WDR70: variants seen among roughly 807,000 people sequenced by gnomAD.
WDR70 encodes WD repeat-containing protein 70.
WDR70 carries 53 observed loss-of-function variants against 88.6 expected under a neutral mutation model. The observed-to-expected ratio is 0.60, with a 90% CI of 0.48 to 0.75. The LOEUF (loss-of-function observed/expected upper bound fraction) is 0.75, where lower values mean the gene tolerates loss of function less well. WDR70 is among the 30% of genes least tolerant of loss of function. The pLI is 0.00. For missense variants in WDR70, 610 were observed against 823.2 expected, an observed-to-expected ratio of 0.74 and a Z score of 3.17; for synonymous variants, 280 against 270.0, an observed-to-expected ratio of 1.04 and a Z score of -0.36.
At chr5:37,415,341 C>A (rs62360217) in intron 5 of WDR70, among the ~76,000 whole-genome samples, 51,708 of 129,018 alleles carry the variant, frequency 0.4, 10,347 homozygotes, top group Non-Finnish European at 0.54. Flanking sequence ...GGGCTCCTCA[C>A]TTCCCAGTAG....
At chr5:37,677,617 T>C (rs1460434926) in intron 10 of WDR70, among the ~76,000 whole-genome samples, 1 of 152,232 alleles carries the variant, frequency 6.6e-6, no homozygotes. Context: ...TTATAATTTC[T>C]ATTCTTTTAC....
chr5:37,500,390 A>G (rs1740371276), intron 8 of WDR70, among the ~76,000 whole-genome samples: 1 of 152,230 alleles, frequency 6.6e-6, no homozygotes, highest in Non-Finnish European at 1.5e-5. Flanking sequence ...ACTGTGCTGC[A>G]ATAAACATAA....
intron 10 of WDR70, among the ~76,000 whole-genome samples, chr5:37,619,420 TC>T (rs1181946512): frequency 6.6e-6 from 1 of 152,196 alleles, no homozygotes; most frequent in Non-Finnish European, 1.5e-5. Flanking sequence ...GATGCCTCTC[TC>T]TAGTAGAGAT....
chr5:37,703,968 T>C (rs1365940420), intron 13 of WDR70, among the ~76,000 whole-genome samples: 2 of 152,234 alleles, frequency 1.3e-5, no homozygotes, highest in African/African-American at 4.8e-5. Flanking sequence ...ATTATGCACT[T>C]ACGTGACTCA....
intron 7 of WDR70, among the ~76,000 whole-genome samples, chr5:37,477,760 A>C (rs930977078): frequency 6.6e-6 from 1 of 152,096 alleles, no homozygotes; most frequent in African/African-American, 2.4e-5. Flanking sequence ...TATTCTCCTC[A>C]TCTCCTTGTC....
At chr5:37,500,716 CTTTTTTTTTTTTTTTT>C (rs550821207) in intron 8 of WDR70, among the ~76,000 whole-genome samples, 1 of 63,274 alleles carries the variant, frequency 1.6e-5, no homozygotes, top group Non-Finnish European at 3.1e-5. Context: ...TATTTGTTGG[CTTTTTTTTTTTTTTTT>C]TTTTTTTTTT....
chr5:37,421,233 G>A (rs1360443190), intron 5 of WDR70, among the ~76,000 whole-genome samples: 1 of 152,214 alleles, frequency 6.6e-6, no homozygotes, highest in African/African-American at 2.4e-5. Flanking sequence ...ACTACTGGTT[G>A]TGACCTGTTC....
Position 37,379,319 on chromosome 5 carries a change from C to A in WDR70, c.-49C>A, listed in dbSNP as rs758829953. The A allele has an allele frequency of 4.3e-6, 7 of 1,610,298 alleles. No homozygotes were observed. In the Admixed American group the frequency reaches 1.2e-4, roughly 27 times the overall value. ...CGCAAGTTATTGGCAAGTTCCCCTG[C>A]AGTTGTTTGGGCTGTCCCTGTGGCT... On this transcript the variant is annotated 5_prime_UTR_variant, in exon 1 of 18. Coordinates refer to ENST00000265107, the MANE Select transcript of WDR70 (RefSeq NM_018034.4).
At chr5:37,670,315 C>T (rs534689291) in intron 10 of WDR70, among the ~76,000 whole-genome samples, 85 of 152,288 alleles carry the variant, frequency 5.6e-4, no homozygotes, top group Admixed American at 2.0e-3. Context: ...CCTCCACACT[C>T]AGGCCTTGCA....
At chr5:37,657,916 G>A (rs376543045) in intron 10 of WDR70, among the ~76,000 whole-genome samples, 13 of 151,974 alleles carry the variant, frequency 8.6e-5, no homozygotes, top group African/African-American at 2.7e-4. Flanking sequence ...CTTTTGACTC[G>A]CAGAAATTAA....
chr5:37,505,340 A>G (rs1320180367), intron 8 of WDR70, among the ~76,000 whole-genome samples: 2 of 152,158 alleles, frequency 1.3e-5, no homozygotes, highest in Non-Finnish European at 2.9e-5. Flanking sequence ...GCTTGTGCCG[A>G]TCGTATGGGA....
At chr5:37,553,978 A>G (rs983265014) in intron 9 of WDR70, among the ~76,000 whole-genome samples, 1 of 152,184 alleles carries the variant, frequency 6.6e-6, no homozygotes, top group African/African-American at 2.4e-5. Context: ...AGTATTATTG[A>G]AAGGTTTATA....
chr5:37,469,244 G>A (rs1739254774), intron 7 of WDR70, among the ~76,000 whole-genome samples: 2 of 152,192 alleles, frequency 1.3e-5, no homozygotes, highest in South Asian at 2.1e-4. Flanking sequence ...GGATCTACCC[G>A]ATAGTAGGGT....
At position 37,483,843 on chromosome 5, in the gene WDR70, C is replaced by T. The variant is rs538820741; in HGVS notation, c.840+3856C>T. On this transcript the variant is annotated intron_variant, in intron 8 of 17. Transcript: ENST00000265107. ...GGGGCTCCTCACTTCTCAGACGGGGCGGCTGCCGGGTGGAGGGGCTCCTCA... is the reference window on the plus strand; with the variant it reads ...GGGGCTCCTCACTTCTCAGACGGGGTGGCTGCCGGGTGGAGGGGCTCCTCA... Among the ~76,000 whole-genome samples, 465 of 149,912 alleles carry T rather than the reference C, an allele frequency of 3.1e-3. 4 individuals are homozygous for T. Among genetic ancestry groups the T allele is most frequent in the South Asian group, 0.011 (50 of 4,692 alleles).
intron 4 of WDR70, among the ~76,000 whole-genome samples, chr5:37,394,575 C>T (rs1748951014): frequency 6.6e-6 from 1 of 152,100 alleles, no homozygotes; most frequent in Admixed American, 6.6e-5. Context: ...ACTTAGCAGG[C>T]ATGTAATGAA....
chr5:37,636,322 T>C (rs1383555212), intron 10 of WDR70, among the ~76,000 whole-genome samples: 8 of 152,202 alleles, frequency 5.3e-5, no homozygotes, highest in Admixed American at 4.6e-4. Context: ...TTCCTTACAG[T>C]ATAATTCCAA....
At chr5:37,501,945 GAATT>G (rs1400619034) in intron 8 of WDR70, among the ~76,000 whole-genome samples, 3 of 152,152 alleles carry the variant, frequency 2.0e-5, no homozygotes, top group Admixed American at 2.0e-4. Context: ...AGTTCCATAT[GAATT>G]TTAGGATTGA....
intron 10 of WDR70, among the ~76,000 whole-genome samples, chr5:37,610,630 C>G (rs1259889331): frequency 1.3e-5 from 2 of 151,992 alleles, no homozygotes; most frequent in South Asian, 2.1e-4. Flanking sequence ...GAGCTCTCAC[C>G]TCACTGAGAA....
At chr5:37,673,682 A>G (rs1399036189) in intron 10 of WDR70, among the ~76,000 whole-genome samples, 1 of 140,216 alleles carries the variant, frequency 7.1e-6, no homozygotes, top group Admixed American at 8.1e-5. Context: ...AATATGTGCC[A>G]TGGTTATTGG....
Sources: gnomAD v4.1 joint callset for allele counts (sites outside exome capture counted in the v4.1 genomes callset) on GRCh38, gnomAD v4.1.1 for gene constraint, MANE v1.5 for transcripts, NCBI Gene and HGNC (gene_info 2026-07-23, HGNC 2026-07-21) for gene names.